PCDHGA4: variants seen among roughly 807,000 people sequenced by gnomAD.
PCDHGA4 encodes the protein protocadherin gamma subfamily A, 4.
In PCDHGA4, 38 loss-of-function variants were observed where a neutral mutation model predicts 54.6. That is an observed-to-expected ratio of 0.70 (90% CI 0.54 to 0.91). The LOEUF is 0.91. Ranked by LOEUF, PCDHGA4 falls within the 40% of genes least tolerant of loss-of-function variation. PCDHGA4 has a pLI of 0.00. For missense variants in PCDHGA4, 1,298 were observed against 1,220.9 expected (o/e 1.06, Z -0.94); for synonymous variants, 511 against 512.9 (o/e 1.00, Z 0.05).
intron 1 of PCDHGA4, chr5:141,395,537 ATTGT>A (rs1179408656): frequency 3.7e-5 from 9 of 243,938 alleles, no homozygotes; most frequent in Admixed American, 8.6e-5. Context: ...TAATTTTGCT[ATTGT>A]TTGTGTGTGT....
In PCDHGA4 at chr5:141,365,839, C is replaced by A. The variant is rs1212060265; in HGVS notation, c.2514+8218C>A. ...CATTTCAGGGGGCGCCCTTGTCCTC[C>A]TATGTATCCATTAACTCTGACACCG... On this transcript the variant is annotated intron_variant, in intron 1 of 3. Transcript: ENST00000571252. The A allele has an allele frequency of 1.9e-6, 3 of 1,613,840 alleles. No homozygotes were observed. The African/African-American group carries it at 4.0e-5, about 22-fold the overall frequency.
intron 1 of PCDHGA4, chr5:141,403,212 CG>C (rs1561686781): frequency 6.2e-7 from 1 of 1,613,952 alleles, no homozygotes; most frequent in African/African-American, 1.3e-5. Context: ...TTGGTCACCG[CG>C]GGTAGGATAG....
intron 1 of PCDHGA4, chr5:141,408,050 G>A: frequency 1.6e-6 from 2 of 1,259,544 alleles, no homozygotes; most frequent in Middle Eastern, 2.8e-4. Flanking sequence ...CCCACACAGA[G>A]CCTCCCGGCT....
chr5:141,376,151 A>T lies in PCDHGA4; in HGVS notation c.2514+18530A>T. ...CGCCAAACCCAACGATTCGGACCTC[A>T]CTCTGTACCTGGTGGTGGCGGTGGC... On this transcript the variant is annotated intron_variant, in intron 1 of 3. Coordinates refer to ENST00000571252, the MANE Select transcript of PCDHGA4 (RefSeq NM_018917.4). The T allele has an allele frequency of 1.9e-6, 3 of 1,612,748 alleles. No individual in the cohort carries two copies. In the South Asian group the frequency reaches 3.3e-5, roughly 18 times the overall value.
At chr5:141,509,551 C>T (rs2099877337) in intron 3 of PCDHGA4, among the ~76,000 whole-genome samples, 1 of 152,164 alleles carries the variant, frequency 6.6e-6, no homozygotes, top group South Asian at 2.1e-4. Context: ...CTCATTTAGT[C>T]CTCACAGCAG....
intron 1 of PCDHGA4, chr5:141,383,550 C>A: frequency 6.2e-7 from 1 of 1,612,098 alleles, no homozygotes; most frequent in Non-Finnish European, 8.5e-7. Flanking sequence ...CCTCTGATGG[C>A]GGCGACCCGC....
At chr5:141,417,832 G>C in intron 1 of PCDHGA4, 1 of 1,528,846 alleles carries the variant, frequency 6.5e-7, no homozygotes. Flanking sequence ...CTGGAAAAGC[G>C]GGGACCCAGC....
chr5:141,417,936 A>G (rs1266177574), intron 1 of PCDHGA4: 3 of 1,612,080 alleles, frequency 1.9e-6, no homozygotes, highest in Non-Finnish European at 1.7e-6. Flanking sequence ...CCTTTGTTCT[A>G]CCCCACGCTG....
chr5:141,497,793 G>A (rs2099779480), intron 2 of PCDHGA4, among the ~76,000 whole-genome samples: 1 of 152,180 alleles, frequency 6.6e-6, no homozygotes, highest in Admixed American at 6.5e-5. Flanking sequence ...ACCTGCTTCA[G>A]CTTCCCAAAG....
At chr5:141,410,619 C>G in intron 1 of PCDHGA4, 1 of 1,603,732 alleles carries the variant, frequency 6.2e-7, no homozygotes, top group Admixed American at 1.7e-5. Context: ...ACTCTGACTT[C>G]GGTGAGTTTC....
intron 1 of PCDHGA4, among the ~76,000 whole-genome samples, chr5:141,438,609 T>TATAC (rs2098013849): frequency 2.4e-5 from 1 of 41,118 alleles, no homozygotes; most frequent in Non-Finnish European, 3.9e-5. Context: ...TATATATATA[T>TATAC]ATATATATAT....
intron 3 of PCDHGA4, 59 bp from the exon 4 acceptor site, chr5:141,510,888 A>C (rs2099883233): frequency 6.2e-7 from 1 of 1,612,646 alleles, no homozygotes. Flanking sequence ...GGGATATAAG[A>C]CAGTGACTGT....
rs2099400874 is a variant in PCDHGA4 at position 141,476,888 on chromosome 5, C to T, written c.2515-17919C>T. On this transcript the variant is annotated intron_variant, in intron 1 of 3. Transcript: ENST00000571252. This position sits in a 1 kb window ranked among gnomAD's most constrained non-coding sequence, Gnocchi z 7.6. ...CCGGGCGCGCGTCCTGGAGGATGCA[C>T]CCTCCGGCACGCGCGTGGTACAAGT... is the stretch of plus-strand genomic sequence containing the variant. 1.2e-6 allele frequency: 2 copies of T among 1,613,964 alleles called. No homozygotes were observed. The highest frequency in any genetic ancestry group is 1.7e-6 in the Non-Finnish European group (2 of 1,180,030).
chr5:141,446,256 T>C lies in PCDHGA4; in HGVS notation c.2515-48551T>C, dbSNP rs535879308. On this transcript the variant is annotated intron_variant, in intron 1 of 3. Transcript: ENST00000571252. Reference sequence around the variant, plus strand: ...CAAGTGGTAGATCTTCAGTGAAATATTATTAACTGAATAAATACAATGGAT... The same window carrying C: ...CAAGTGGTAGATCTTCAGTGAAATACTATTAACTGAATAAATACAATGGAT... Among the ~76,000 whole-genome samples the C allele has an allele frequency of 2.0e-5, 3 of 152,310 alleles. No homozygotes were observed. The East Asian group carries it at 5.8e-4, about 29-fold the overall frequency.
intron 1 of PCDHGA4, chr5:141,399,835 C>T (rs756646382): frequency 1.2e-6 from 2 of 1,613,164 alleles, no homozygotes; most frequent in South Asian, 2.2e-5. Flanking sequence ...CGGCTCTGCG[C>T]TCTTCGATAT....
intron 1 of PCDHGA4, chr5:141,395,872 T>G (rs950924655): frequency 2.0e-5 from 3 of 152,138 alleles, no homozygotes; most frequent in Non-Finnish European, 4.4e-5. Context: ...ATTAAGTATG[T>G]GAGTCAGTGG....
rs142590218 is a variant in PCDHGA4, at chr5:141,489,982, C to T, written c.2515-4825C>T. On this transcript the variant is annotated intron_variant, in intron 1 of 3. Coordinates refer to ENST00000571252, the MANE Select transcript of PCDHGA4 (RefSeq NM_018917.4). This position sits in a 1 kb window ranked among gnomAD's most constrained non-coding sequence, Gnocchi z 4.5. ...TCCAACCTTCCAATCCTCAGTTCTA[C>T]GTGTGGGAATCCCAGAGAATGCACC... The T allele has an allele frequency of 2.9e-5, 47 of 1,614,010 alleles. No individual in the cohort carries two copies. The highest frequency in any genetic ancestry group is 3.7e-5 in the Non-Finnish European group (44 of 1,179,964).
chr5:141,383,660 A>G (rs748941284), intron 1 of PCDHGA4: 1 of 1,614,030 alleles, frequency 6.2e-7, no homozygotes, highest in South Asian at 1.1e-5. Flanking sequence ...GTCCCCGAGA[A>G]TGTGCCAGTG....
Position 141,413,166 on chromosome 5 carries a change from C to T in PCDHGA4, c.2514+55545C>T, listed in dbSNP as rs758193163. ...GTGAGGACTTTGCAGAATTCTGTAA[C>T]CAGACTACAATGGCCGCTCAAAGGA... On this transcript the variant is annotated intron_variant, in intron 1 of 3. Transcript: ENST00000571252. 5 of 1,590,278 alleles carry T rather than the reference C, an allele frequency of 3.1e-6. No individual in the cohort carries two copies. The East Asian group carries it at 1.1e-4, about 36-fold the overall frequency.
Sources: allele counts gnomAD v4.1 joint callset (sites outside exome capture counted in the v4.1 genomes callset), GRCh38; gene constraint gnomAD v4.1.1; non-coding constraint Gnocchi (gnomAD v3.1); transcripts MANE v1.5; gene names NCBI Gene and HGNC (gene_info 2026-07-23, HGNC 2026-07-21).